FHOD3: variants seen among roughly 807,000 people sequenced by gnomAD.
FHOD3 encodes formin homology 2 domain containing 3.
Under a neutral mutation model 173.0 loss-of-function variants are expected in FHOD3, and 90 were observed. The observed-to-expected ratio is 0.52, with a 90% CI of 0.44 to 0.62. The LOEUF (loss-of-function observed/expected upper bound fraction) is 0.62, where lower values mean the gene tolerates loss of function less well. Ranked by LOEUF, FHOD3 falls within the 20% of genes least tolerant of loss-of-function variation. FHOD3 has a pLI of 0.00. For missense variants in FHOD3, 1,945 were observed against 2,034.7 expected (o/e 0.96, Z 0.85); for synonymous variants, 828 against 823.0 (o/e 1.01, Z -0.10).
At chr18:36,604,075 A>G (rs562245959) in intron 8 of FHOD3, among the ~76,000 whole-genome samples, 7 of 152,202 alleles carry the variant, frequency 4.6e-5, no homozygotes, top group South Asian at 4.1e-4. Flanking sequence ...TCTTCCTCAG[A>G]GGTGCTGCTC....
chr18:36,399,176 C>T (rs2048688313), intron 3 of FHOD3, among the ~76,000 whole-genome samples: 1 of 152,178 alleles, frequency 6.6e-6, no homozygotes, highest in Non-Finnish European at 1.5e-5. Flanking sequence ...GATAATGGGG[C>T]ACTGGAAGGT....
At chr18:36,593,854 C>T (rs2029871214) in intron 6 of FHOD3, among the ~76,000 whole-genome samples, 1 of 152,224 alleles carries the variant, frequency 6.6e-6, no homozygotes, top group Admixed American at 6.5e-5. Context: ...GGGCCACTGA[C>T]AAGCCAGCAG....
chr18:36,750,172 CCAGCTACT>C (rs1327737457), intron 24 of FHOD3, among the ~76,000 whole-genome samples: 1 of 151,918 alleles, frequency 6.6e-6, no homozygotes, highest in Non-Finnish European at 1.5e-5. Flanking sequence ...ACCTGTAGTC[CCAGCTACT>C]CAGGAGGCTA....
intron 3 of FHOD3, among the ~76,000 whole-genome samples, chr18:36,416,540 C>T (rs1466207563): frequency 2.0e-5 from 3 of 152,212 alleles, no homozygotes. Flanking sequence ...GGGTCAATAG[C>T]ACTTACTTTG....
At chr18:36,557,032 G>T (rs2057915209) in intron 5 of FHOD3, among the ~76,000 whole-genome samples, 1 of 152,070 alleles carries the variant, frequency 6.6e-6, no homozygotes, top group Admixed American at 6.5e-5. Flanking sequence ...TAGGAAATTT[G>T]CTGCCATTCT....
In FHOD3 at chr18:36,464,512, G is replaced by A. The variant is rs557671095; in HGVS notation, c.338-37420G>A. 4.0e-4 allele frequency among the ~76,000 whole-genome samples: 61 copies of A among 152,320 alleles called. 1 individual carries two copies. Among genetic ancestry groups the A allele is most frequent in the African/African-American group, 1.4e-3 (60 of 41,578 alleles). On this transcript the variant is annotated intron_variant, in intron 3 of 28. Transcript: ENST00000590592. The stretch of plus-strand genomic sequence containing the variant: ...AGGGATGGATTGGCTCCTGTGGAGT[G>A]AGTCAAGCCCAGTCAAGGAAACTTG...
intron 24 of FHOD3, among the ~76,000 whole-genome samples, chr18:36,748,345 A>G (rs1250832189): frequency 1.3e-5 from 2 of 150,780 alleles, no homozygotes; most frequent in Non-Finnish European, 2.9e-5. Flanking sequence ...GCAATTCCCC[A>G]TTTAAAATAC....
intron 4 of FHOD3, among the ~76,000 whole-genome samples, chr18:36,512,008 T>A (rs2055681233): frequency 6.6e-6 from 1 of 152,256 alleles, no homozygotes; most frequent in South Asian, 2.1e-4. Context: ...AAGGGCTATC[T>A]TTGGAACACA....
chr18:36,327,987 C>A (rs187409024), intron 1 of FHOD3, among the ~76,000 whole-genome samples: 2 of 152,122 alleles, frequency 1.3e-5, no homozygotes, highest in African/African-American at 4.8e-5. Context: ...CCCTTCAAGC[C>A]CCCCCACAAC....
chr18:36,341,269 G>T (rs553635929), intron 1 of FHOD3, among the ~76,000 whole-genome samples: 1 of 152,290 alleles, frequency 6.6e-6, no homozygotes, highest in African/African-American at 2.4e-5. Flanking sequence ...TTAAAAGTTA[G>T]ATGTTTGGGC....
chr18:36,680,962 T>C (rs1263745815), intron 14 of FHOD3, among the ~76,000 whole-genome samples: 1 of 152,248 alleles, frequency 6.6e-6, no homozygotes, highest in Non-Finnish European at 1.5e-5. Context: ...TGTGCTGGTT[T>C]GTTAATCGGT....
intron 1 of FHOD3, among the ~76,000 whole-genome samples, chr18:36,306,804 TAG>T (rs1315472783): frequency 2.0e-5 from 3 of 152,176 alleles, no homozygotes; most frequent in Non-Finnish European, 4.4e-5. Flanking sequence ...AACCGTGATT[TAG>T]AGTTAGAAGG....
intron 10 of FHOD3, among the ~76,000 whole-genome samples, chr18:36,634,773 G>A (rs1387834707): frequency 1.3e-5 from 2 of 152,170 alleles, no homozygotes; most frequent in Non-Finnish European, 2.9e-5. Context: ...GCTTTGCCCA[G>A]TGCTGTTATT....
chr18:36,452,953 C>T (rs922795175), intron 3 of FHOD3, among the ~76,000 whole-genome samples: 2 of 151,968 alleles, frequency 1.3e-5, no homozygotes, highest in African/African-American at 2.4e-5. Flanking sequence ...TTTGACATCT[C>T]GGCTATTGTA....
At chr18:36,626,945 T>C (rs78306102) in intron 10 of FHOD3, among the ~76,000 whole-genome samples, 3,904 of 152,266 alleles carry the variant, frequency 0.026, 178 homozygotes, top group African/African-American at 0.09. Context: ...AGGGACTGGT[T>C]TGAGATAGAT....
At chr18:36,569,862 G>A (rs1236327812) in intron 5 of FHOD3, among the ~76,000 whole-genome samples, 2 of 152,044 alleles carry the variant, frequency 1.3e-5, no homozygotes, top group Non-Finnish European at 2.9e-5. Context: ...GTTAGCAAAC[G>A]TTTTGTACTA....
intron 10 of FHOD3, among the ~76,000 whole-genome samples, chr18:36,644,552 C>G (rs993822056): frequency 3.3e-5 from 5 of 152,144 alleles, no homozygotes; most frequent in Admixed American, 2.6e-4. Context: ...CTTGGTTCTG[C>G]CCTGCCACTT....
At chr18:36,330,208 T>G (rs775858414) in intron 1 of FHOD3, among the ~76,000 whole-genome samples, 2 of 152,206 alleles carry the variant, frequency 1.3e-5, no homozygotes, top group Non-Finnish European at 2.9e-5. Flanking sequence ...TCCTCATTCT[T>G]TGGCAGTGAC....
At chr18:36,409,121 A>G (rs568795952) in intron 3 of FHOD3, among the ~76,000 whole-genome samples, 44 of 152,162 alleles carry the variant, frequency 2.9e-4, no homozygotes, top group Admixed American at 7.8e-4. Context: ...TTCCCTTTCC[A>G]GGAGGAGACC....
Sources: allele counts gnomAD v4.1 joint callset (sites outside exome capture counted in the v4.1 genomes callset), GRCh38; gene constraint gnomAD v4.1.1; transcripts MANE v1.5; gene names NCBI Gene and HGNC (gene_info 2026-07-23, HGNC 2026-07-21).